Variants in MKLN1 observed in about 807,000 individuals in gnomAD.
The protein encoded by MKLN1 is muskelin.
Under a neutral mutation model 99.0 loss-of-function variants are expected in MKLN1, and 18 were observed. The ratio of observed to expected loss-of-function variants is 0.18; its 90% CI spans 0.13 to 0.27. MKLN1 has a LOEUF of 0.27. Ranked by LOEUF, MKLN1 falls within the 10% of genes least tolerant of loss-of-function variation. The probability of loss-of-function intolerance (pLI) is 1.00; values close to 1 mark genes in which losing one functional copy is unlikely to be tolerated. For synonymous variants in MKLN1, 288 were observed against 293.2 expected, an observed-to-expected ratio of 0.98 and a Z score of 0.18; for missense variants, 621 against 875.9, an observed-to-expected ratio of 0.71 and a Z score of 3.67.
intron 1 of MKLN1, among the ~76,000 whole-genome samples, chr7:131,111,886 G>T (rs778667148): frequency 5.0e-4 from 76 of 152,216 alleles, no homozygotes; most frequent in Middle Eastern, 3.2e-3. Flanking sequence ...GTAATTTTGG[G>T]TTAGCATTGT....
chr7:131,485,922 G>GT (rs1335471700), intron 17 of MKLN1, among the ~76,000 whole-genome samples: 2 of 151,958 alleles, frequency 1.3e-5, no homozygotes, highest in Non-Finnish European at 2.9e-5. Flanking sequence ...AAAATAACTG[G>GT]TATTATTGGG....
intron 6 of MKLN1, among the ~76,000 whole-genome samples, chr7:131,408,434 A>T (rs977379532): frequency 2.0e-5 from 3 of 152,190 alleles, no homozygotes; most frequent in African/African-American, 7.2e-5. Context: ...TGTAATCTCT[A>T]TTTTGGTGCA....
Position 131,470,116 on chromosome 7 carries a change from C to G in MKLN1, c.1929-726C>G, listed in dbSNP as rs6965686. On this transcript the variant is annotated intron_variant, in intron 15 of 17. Coordinates refer to ENST00000352689, the MANE Select transcript of MKLN1 (RefSeq NM_013255.5). ...TCCTGGACTCAAGCAGTCCACCCAC[C>G]TTGACTTCCCAAAGTGTTGGGATTA... Among the ~76,000 whole-genome samples, 378 of 152,278 alleles carry G rather than the reference C, an allele frequency of 2.5e-3. 3 individuals are homozygous for G. Among genetic ancestry groups the G allele is most frequent in the African/African-American group, 8.6e-3 (357 of 41,548 alleles).
At chr7:131,403,451 A>T (rs376459816) in intron 6 of MKLN1, among the ~76,000 whole-genome samples, 1 of 152,166 alleles carries the variant, frequency 6.6e-6, no homozygotes, top group Non-Finnish European at 1.5e-5. Flanking sequence ...TTGCTTTCTT[A>T]TCAGTCATGG....
intron 3 of MKLN1, among the ~76,000 whole-genome samples, chr7:131,204,108 A>C (rs1430626364): frequency 6.6e-6 from 1 of 152,156 alleles, no homozygotes; most frequent in East Asian, 1.9e-4. Flanking sequence ...TCTGTATACA[A>C]TCTCTTCCCC....
At chr7:131,392,307 T>C (rs1300261133) in intron 4 of MKLN1, among the ~76,000 whole-genome samples, 1 of 152,098 alleles carries the variant, frequency 6.6e-6, no homozygotes, top group Non-Finnish European at 1.5e-5. Context: ...TTGTGGAGAC[T>C]TCAGAGAGCG....
At chr7:131,354,814 A>G (rs1799826324) in intron 1 of MKLN1, among the ~76,000 whole-genome samples, 1 of 152,180 alleles carries the variant, frequency 6.6e-6, no homozygotes, top group Admixed American at 6.5e-5. Flanking sequence ...AAATGGCTGT[A>G]CATCATTTAT....
At chr7:131,340,568 C>T (rs367725446) in intron 1 of MKLN1, among the ~76,000 whole-genome samples, 16 of 152,050 alleles carry the variant, frequency 1.1e-4, no homozygotes, top group Non-Finnish European at 1.6e-4. Flanking sequence ...CGTGAGCCAC[C>T]GTGCCCGGCT....
At chr7:131,186,656 A>G (rs1329242201) in intron 2 of MKLN1, among the ~76,000 whole-genome samples, 1 of 152,234 alleles carries the variant, frequency 6.6e-6, no homozygotes, top group Admixed American at 6.5e-5. Context: ...CTAGCACGCC[A>G]GTTGCAAAGT....
intron 2 of MKLN1, among the ~76,000 whole-genome samples, chr7:131,159,182 C>A (rs1044695652): frequency 1.3e-5 from 2 of 152,162 alleles, no homozygotes; most frequent in South Asian, 4.2e-4. Context: ...AACAGAGAGA[C>A]CCTGTCTCAA....
intron 3 of MKLN1, among the ~76,000 whole-genome samples, chr7:131,286,779 C>A (rs1798138349): frequency 6.6e-6 from 1 of 152,176 alleles, no homozygotes; most frequent in African/African-American, 2.4e-5. Flanking sequence ...AACTCAGGAG[C>A]ATATAGTTTG....
intron 1 of MKLN1, among the ~76,000 whole-genome samples, chr7:131,121,720 A>ACTATCAC (rs1410234458): frequency 6.6e-6 from 1 of 151,700 alleles, no homozygotes; most frequent in African/African-American, 2.4e-5. Context: ...GCAAGAATGG[A>ACTATCAC]CTATCACACA....
chr7:131,276,977 G>A (rs1797984156), intron 3 of MKLN1, among the ~76,000 whole-genome samples: 1 of 152,176 alleles, frequency 6.6e-6, no homozygotes, highest in South Asian at 2.1e-4. Context: ...TCAGATTTAT[G>A]CTTTGATGAC....
intron 1 of MKLN1, among the ~76,000 whole-genome samples, chr7:131,352,244 C>T (rs1799741913): frequency 6.6e-6 from 1 of 152,158 alleles, no homozygotes; most frequent in Admixed American, 6.5e-5. Context: ...CAGGCTCTCT[C>T]CTGTGTTCCT....
At chr7:131,275,377 T>G (rs1433950235) in intron 3 of MKLN1, among the ~76,000 whole-genome samples, 1 of 138,820 alleles carries the variant, frequency 7.2e-6, no homozygotes. Flanking sequence ...TTTTTTTTTT[T>G]TTTTTTTTTG....
chr7:131,489,948 C>T lies in MKLN1; in HGVS notation c.*2220C>T, dbSNP rs966604010. 6.6e-6 allele frequency: 1 copy of T among 152,114 alleles called. No homozygotes were observed. The highest frequency in any genetic ancestry group is 2.4e-5 in the African/African-American group (1 of 41,396). 9.4% of individuals were successfully genotyped at this position (152,114 alleles called of 1,614,324 possible). ...AATCATAGCGAGCCATTTGCTCTTG[C>T]CAAAGTGAGATAGATGTACTGAGGA... On this transcript the variant is annotated 3_prime_UTR_variant, in exon 18 of 18. Transcript: ENST00000352689.
intron 16 of MKLN1, chr7:131,472,255 G>A (rs1010104681): frequency 1.3e-5 from 2 of 152,184 alleles, no homozygotes; most frequent in African/African-American, 2.4e-5. Flanking sequence ...TAAAATAGCT[G>A]TAACTGGGAA....
chr7:131,315,167 C>A (rs1401148446), intron 3 of MKLN1, among the ~76,000 whole-genome samples: 1 of 152,086 alleles, frequency 6.6e-6, no homozygotes, highest in Non-Finnish European at 1.5e-5. Context: ...CTGCAGCTCC[C>A]AGCGAGACCA....
chr7:131,183,796 C>T (rs1220888405), intron 2 of MKLN1, among the ~76,000 whole-genome samples: 1 of 152,084 alleles, frequency 6.6e-6, no homozygotes, highest in African/African-American at 2.4e-5. Flanking sequence ...CTATCTTGCC[C>T]AGCTCTTTGG....
Sources: gnomAD v4.1 joint callset for allele counts (sites outside exome capture counted in the v4.1 genomes callset) on GRCh38, gnomAD v4.1.1 for gene constraint, MANE v1.5 for transcripts, NCBI Gene and HGNC (gene_info 2026-07-23, HGNC 2026-07-21) for gene names.